Variants in COL1A1 observed in about 807,000 individuals in gnomAD.
COL1A1 encodes the protein collagen type I alpha 1 chain.
In COL1A1, 21 loss-of-function variants were observed where a neutral mutation model predicts 195.7. The ratio of observed to expected loss-of-function variants is 0.11; its 90% CI spans 0.08 to 0.15. COL1A1 has a LOEUF of 0.15. Among genes scored for constraint, COL1A1 ranks in the 10% least tolerant of loss-of-function variants. The probability of loss-of-function intolerance (pLI) is 1.00; values close to 1 mark genes in which losing one functional copy is unlikely to be tolerated. For missense variants in COL1A1, 1,365 were observed against 2,051.0 expected, an observed-to-expected ratio of 0.67 and a Z score of 6.46; for synonymous variants, 749 against 747.3, an observed-to-expected ratio of 1.00 and a Z score of -0.04.
intron 45 of COL1A1, 58 bp downstream of exon 45, chr17:50,187,818 C>T (rs1906687188): frequency 6.9e-7 from 1 of 1,444,158 alleles, no homozygotes; most frequent in Non-Finnish European, 9.5e-7. Context: ...TGAGGCGAAG[C>T]TCCCCCTCCT....
Position 50,189,548 on chromosome 17 carries a change from G to A in COL1A1, c.2668-10C>T. Reference sequence around the variant, plus strand: ...GGGGTCCAGCATTTCCCTGGATGAGGATAGGAGGGGCTGTCAGACTCCAGG... The same window carrying A: ...GGGGTCCAGCATTTCCCTGGATGAGAATAGGAGGGGCTGTCAGACTCCAGG... On this transcript the variant is annotated splice_polypyrimidine_tract_variant and intron_variant, in intron 38 of 50. Coordinates refer to ENST00000225964, the MANE Select transcript of COL1A1 (RefSeq NM_000088.4). This position sits in a 1 kb window ranked among gnomAD's most constrained non-coding sequence, Gnocchi z 5.5. The A allele has an allele frequency of 6.2e-7, 1 of 1,612,698 alleles. No individual in the cohort carries two copies. The highest frequency in any genetic ancestry group is 8.5e-7 in the Non-Finnish European group (1 of 1,179,600).
At chr17:50,192,930 G>A (rs755374711) in intron 26 of COL1A1, 64 bp downstream of exon 26, 4 of 1,609,492 alleles carry the variant, frequency 2.5e-6, no homozygotes, top group South Asian at 1.1e-5. Context: ...CACCCCTCCT[G>A]CAGGGAGGAG....
intron 46 of COL1A1, 74 bp from the exon 47 acceptor site, chr17:50,187,196 C>G: frequency 8.1e-7 from 1 of 1,228,478 alleles, no homozygotes; most frequent in Non-Finnish European, 1.2e-6. Context: ...AGAGGCCCAC[C>G]ACCCTCCCTG....
At chr17:50,196,877 A>G in intron 11 of COL1A1, 133 bp downstream of exon 11, 1 of 1,167,922 alleles carries the variant, frequency 8.6e-7, no homozygotes. Flanking sequence ...TTGGATGTCC[A>G]CTCTCTGTCC....
chr17:50,195,729 G>A lies in COL1A1; in HGVS notation c.1057-64C>T. ...GAAACCCAACCTTGCCTCTCGGGAT[G>A]GCAGGAGGAAGGGGAGACAGGGACA... On this transcript the variant is annotated intron_variant, in intron 16 of 50. Transcript: ENST00000225964. This position sits in a 1 kb window ranked among gnomAD's most constrained non-coding sequence, Gnocchi z 4.3. The A allele has an allele frequency of 6.6e-7, 1 of 1,523,674 alleles. No homozygotes were observed. The highest frequency in any genetic ancestry group is 9.0e-7 in the Non-Finnish European group (1 of 1,106,690). 94.4% of individuals were successfully genotyped at this position (1,523,674 alleles called of 1,614,324 possible). A position where few individuals can be genotyped will look rare whatever the true frequency, so the allele number is the denominator to read the frequency against.
At position 50,186,097 on chromosome 17, in the gene COL1A1, G is replaced by C; in HGVS notation, c.4006-77C>G. 6.3e-7 allele frequency: 1 copy of C among 1,591,306 alleles called. No homozygotes were observed. The highest frequency in any genetic ancestry group is 8.5e-7 in the Non-Finnish European group (1 of 1,172,982). On this transcript the variant is annotated intron_variant, in intron 49 of 50. Coordinates refer to ENST00000225964, the MANE Select transcript of COL1A1 (RefSeq NM_000088.4). This position sits in a 1 kb window ranked among gnomAD's most constrained non-coding sequence, Gnocchi z 5.3. Reference sequence around the variant, plus strand: ...GTCCTGCCTGGCCTCCCTGTCCAGGGTCCTCAGAGAGCTGCCCAATGCACC... The same window carrying C: ...GTCCTGCCTGGCCTCCCTGTCCAGGCTCCTCAGAGAGCTGCCCAATGCACC...
At chr17:50,197,127 A>C in intron 10 of COL1A1, 53 bp downstream of exon 10, 1 of 1,613,924 alleles carries the variant, frequency 6.2e-7, no homozygotes, top group Non-Finnish European at 8.5e-7. Flanking sequence ...CCCAGCTCCT[A>C]AATGAAGCCC....
At position 50,190,936 on chromosome 17, in the gene COL1A1, G is replaced by A. The variant is rs754533671; in HGVS notation, c.2236-12C>T. 3 of 1,612,466 alleles carry A rather than the reference G, an allele frequency of 1.9e-6. No homozygotes were observed. In the Admixed American group the frequency reaches 5.0e-5, roughly 27 times the overall value. ...GGACCAGCATCACCCTAAAGACATG[G>A]ATAAGCTTGAGATTTCCAGTGTGGG... On this transcript the variant is annotated splice_polypyrimidine_tract_variant and intron_variant, in intron 32 of 50. Transcript: ENST00000225964. The surrounding 1 kb of genome is among the most constrained non-coding windows in gnomAD (Gnocchi z 4.7).
intron 46 of COL1A1, 54 bp downstream of exon 46, chr17:50,187,430 C>T (rs555557362): frequency 2.8e-5 from 44 of 1,597,786 alleles, no homozygotes; most frequent in Middle Eastern, 3.6e-4. Context: ...CAAGGGTCCC[C>T]GAGGTGAGCC....
rs761431697 is a variant in COL1A1, at chr17:50,188,055, G to A, written c.3261+41C>T. Reference sequence around the variant, plus strand: ...ATCGAGTGGGGCACTGTCTGCATCTGTAGAGTTCTAAAGGCATGGGGGACA... The same window carrying A: ...ATCGAGTGGGGCACTGTCTGCATCTATAGAGTTCTAAAGGCATGGGGGACA... On this transcript the variant is annotated intron_variant, in intron 44 of 50. Coordinates refer to ENST00000225964, the MANE Select transcript of COL1A1 (RefSeq NM_000088.4). This position sits in a 1 kb window ranked among gnomAD's most constrained non-coding sequence, Gnocchi z 5.6. The A allele has an allele frequency of 6.2e-7, 1 of 1,613,328 alleles. No homozygotes were observed. Among genetic ancestry groups the A allele is most frequent in the African/African-American group, 1.3e-5 (1 of 74,912 alleles).
In COL1A1 at chr17:50,197,754, G is replaced by A. The variant is rs868279374; in HGVS notation, c.674C>T (p.Pro225Leu). The change falls in exon 9 of 51, where the codon CCC becomes CTC. Residue 225 changes from proline to leucine, a missense_variant. By Grantham distance (98) the Pro-to-Leu change is moderately conservative. Around this residue, in one of 5 missense-constraint regions of COL1A1, gnomAD observed 226 missense variants for 372.9 expected, o/e 0.61. Transcript: ENST00000225964. ...TACATCATCTCCATTCTTTCCAGGG[G>A]GACCTGGGGGACCTCGGGGACCCAT... ...GPMGPRGPPG[P>L]PGKNGDDGEA... The A allele has an allele frequency of 6.2e-7, 1 of 1,600,332 alleles. No homozygotes were observed.
At chr17:50,197,578 GA>G (rs552450147) in intron 9 of COL1A1, among the ~76,000 whole-genome samples, 153 bp downstream of exon 9, 204 of 152,328 alleles carry the variant, frequency 1.3e-3, no homozygotes, top group African/African-American at 4.7e-3. Flanking sequence ...CTCACTAAGC[GA>G]AAAGATCATT....
chr17:50,198,344 T>G (rs1392880453), intron 6 of COL1A1, 89 bp downstream of exon 6: 2 of 1,548,520 alleles, frequency 1.3e-6, no homozygotes, highest in Non-Finnish European at 1.8e-6. Context: ...GATCTGGACC[T>G]CCCAAGCTGT....
At position 50,195,415 on chromosome 17, in the gene COL1A1, A is replaced by G. The variant is rs762756496; in HGVS notation, c.1200+19T>C. 46 of 1,613,990 alleles carry G rather than the reference A, an allele frequency of 2.9e-5. No homozygotes were observed. The South Asian group carries it at 5.0e-4, about 18-fold the overall frequency. The stretch of plus-strand genomic sequence containing the variant: ...CTGCAGGCGGCAGGAGTGGGACTGA[A>G]GCCTGGCAGGATACTTACATTGGCA... On this transcript the variant is annotated intron_variant, in intron 18 of 50. Coordinates refer to ENST00000225964, the MANE Select transcript of COL1A1 (RefSeq NM_000088.4). The surrounding 1 kb of genome is among the most constrained non-coding windows in gnomAD (Gnocchi z 4.3).
intron 9 of COL1A1, among the ~76,000 whole-genome samples, 168 bp downstream of exon 9, chr17:50,197,564 T>G (rs1011792835): frequency 2.0e-5 from 3 of 152,214 alleles, no homozygotes; most frequent in African/African-American, 7.2e-5. Flanking sequence ...GGACATGGAA[T>G]CATCTCACTA....
rs372044347 is a variant in COL1A1, at chr17:50,187,912, A to G, written c.3333T>C (p.Arg1111=). ...GGGGACCCTGGAGGCCAGAGAAGCC[A>G]CGGTGACCCTTTATGCCTCTGTCGC... The part of the protein sequence containing the change: ...EQGDRGIKGH[R]GFSGLQGPPG... Residue 1111 remains arginine (R), a synonymous_variant, in exon 45 of 51, where the codon CGT becomes CGC. Coordinates refer to ENST00000225964, the MANE Select transcript of COL1A1 (RefSeq NM_000088.4). 27 of 1,612,056 alleles carry G rather than the reference A, an allele frequency of 1.7e-5. No individual in the cohort carries two copies. Among genetic ancestry groups the G allele is most frequent in the Non-Finnish European group, 2.0e-5 (24 of 1,178,806 alleles).
Position 50,186,112 on chromosome 17 carries a change from C to T in COL1A1, c.4006-92G>A. ...CCTGTCCAGGGTCCTCAGAGAGCTG[C>T]CCAATGCACCGTTATATCGAGAGGA... On this transcript the variant is annotated intron_variant, in intron 49 of 50. Coordinates refer to ENST00000225964, the MANE Select transcript of COL1A1 (RefSeq NM_000088.4). This position sits in a 1 kb window ranked among gnomAD's most constrained non-coding sequence, Gnocchi z 5.3. 8 of 1,576,896 alleles carry T rather than the reference C, an allele frequency of 5.1e-6. No individual in the cohort carries two copies. The highest frequency in any genetic ancestry group is 1.9e-4 in the Middle Eastern group (1 of 5,238).
chr17:50,185,491 A>G lies in COL1A1; in HGVS notation c.*11T>C. 6.2e-7 allele frequency: 1 copy of G among 1,612,768 alleles called. No homozygotes were observed. The highest frequency in any genetic ancestry group is 1.7e-4 in the Middle Eastern group (1 of 6,052). ...TTGGGTGGGAGGGAGCCAGGTTGGG[A>G]TGGAGGGAGTTTACAGGAAGCAGAC... On this transcript the variant is annotated 3_prime_UTR_variant, in exon 51 of 51. Coordinates refer to ENST00000225964, the MANE Select transcript of COL1A1 (RefSeq NM_000088.4).
Position 50,186,902 on chromosome 17 carries a change from T to G in COL1A1, c.3552A>C (p.Gly1184=), listed in dbSNP as rs774547182. The G allele has an allele frequency of 6.2e-7, 1 of 1,612,080 alleles. No individual in the cohort carries two copies. The highest frequency in any genetic ancestry group is 8.5e-7 in the Non-Finnish European group (1 of 1,179,424). ...AGPVGPPGPP[G]PPGPPGPPSA... ...TGGGAGGACCAGGGGGACCAGGAGG[T>G]CCAGGAGGGCCGGGGGGACCCTGCA... Residue 1184 remains glycine (G), a synonymous_variant, in exon 48 of 51, where the codon GGA becomes GGC. Transcript: ENST00000225964. This position sits in a 1 kb window ranked among gnomAD's most constrained non-coding sequence, Gnocchi z 5.3.
Sources: gnomAD v4.1 joint callset for allele counts (sites outside exome capture counted in the v4.1 genomes callset) on GRCh38, gnomAD v4.1.1 for gene constraint, gnomAD v4.1.1 regional missense constraint, Gnocchi (gnomAD v3.1) non-coding constraint, MANE v1.5 for transcripts, NCBI Gene and HGNC (gene_info 2026-07-23, HGNC 2026-07-21) for gene names.